The following DNAH14 variants were observed in gnomAD, a reference collection of about 807,000 sequenced individuals.
DNAH14 encodes dynein axonemal heavy chain 14, also known as axonemal beta dynein heavy chain 14.
DNAH14 carries 478 observed loss-of-function variants against 520.9 expected under a neutral mutation model. The observed-to-expected ratio is 0.92, with a 90% CI of 0.85 to 0.99. The LOEUF (loss-of-function observed/expected upper bound fraction) is 0.99, where lower values mean the gene tolerates loss of function less well. Ranked by LOEUF, DNAH14 falls within the 50% of genes least tolerant of loss-of-function variation. The probability of loss-of-function intolerance (pLI) is 0.00; values close to 1 mark genes in which losing one functional copy is unlikely to be tolerated. For synonymous variants in DNAH14, 1,581 were observed against 1,757.2 expected (o/e 0.90, Z 2.51); for missense variants, 4,831 against 5,234.5 (o/e 0.92, Z 2.38).
intron 36 of DNAH14, among the ~76,000 whole-genome samples, chr1:225,168,646 G>A (rs1042732922): frequency 3.9e-5 from 6 of 152,174 alleles, no homozygotes; most frequent in African/African-American, 1.2e-4. Context: ...TAAACAAAGC[G>A]GCCTGGAATC....
In DNAH14 at chr1:225,358,575, A is replaced by G. The variant is rs779898124; in HGVS notation, c.11699A>G (p.Gln3900Arg). ...GAAAAAATGGGAAATAAGTATCTTC[A>G]AAGAACTGGAGTTAATTTGAAAGAT... ...ITEKMGNKYL[Q>R]RTGVNLKDAY... Residue 3900 changes from glutamine (Q) to arginine (R), a missense_variant, in exon 74 of 86, where the codon CAA becomes CGA. Coordinates refer to ENST00000682510, the MANE Select transcript of DNAH14 (RefSeq NM_001367479.1). 1 of 1,549,948 alleles carries G rather than the reference A, an allele frequency of 6.5e-7. No individual in the cohort carries two copies. Among genetic ancestry groups the G allele is most frequent in the African/African-American group, 1.4e-5 (1 of 73,072 alleles).
At chr1:225,009,713 A>G (rs1312134219) in intron 10 of DNAH14, among the ~76,000 whole-genome samples, 1 of 152,142 alleles carries the variant, frequency 6.6e-6, no homozygotes, top group Non-Finnish European at 1.5e-5. Context: ...CCATTTTCAC[A>G]TTATTGATTC....
At chr1:225,347,859 G>T (rs77709968) in intron 71 of DNAH14, among the ~76,000 whole-genome samples, 20,830 of 152,082 alleles carry the variant, frequency 0.14, 1,653 homozygotes, top group South Asian at 0.25. Context: ...TGAAACTCCA[G>T]AAACGAGTCC....
chr1:225,311,990 A>G (rs1009745817), intron 60 of DNAH14, among the ~76,000 whole-genome samples: 1 of 152,128 alleles, frequency 6.6e-6, no homozygotes, highest in Admixed American at 6.6e-5. Flanking sequence ...AAAAAAGTCA[A>G]TGGTAACTTG....
intron 49 of DNAH14, among the ~76,000 whole-genome samples, chr1:225,269,259 GA>G (rs2093231630): frequency 6.6e-6 from 1 of 152,146 alleles, no homozygotes; most frequent in Non-Finnish European, 1.5e-5. Flanking sequence ...ATGGTGCTGG[GA>G]AAACTGGCTA....
At chr1:225,308,945 A>G (rs991799051) in intron 60 of DNAH14, among the ~76,000 whole-genome samples, 4 of 152,200 alleles carry the variant, frequency 2.6e-5, no homozygotes, top group African/African-American at 9.6e-5. Flanking sequence ...CTTGTCTTCC[A>G]TGTACAAAGG....
intron 36 of DNAH14, among the ~76,000 whole-genome samples, chr1:225,182,536 C>T (rs2149299332): frequency 6.6e-6 from 1 of 152,070 alleles, no homozygotes; most frequent in East Asian, 1.9e-4. Context: ...GATCAGAGTA[C>T]CTAATTTTAC....
rs569534354 is a variant in DNAH14, at chr1:225,381,478, A to G, written c.12976A>G (p.Lys4326Glu). 5.7e-5 allele frequency: 88 copies of G among 1,549,790 alleles called. No individual in the cohort carries two copies. Among genetic ancestry groups the G allele is most frequent in the Non-Finnish European group, 1.4e-5 (16 of 1,146,478 alleles). ...ATTATTTGTCATACATAAATCCTTA[A>G]AAGATCTTCAGCTTGCTATAAAAGG... ...KLLFVIHKSL[K>E]DLQLAIKGEI... Residue 4326 changes from lysine to glutamate, a missense_variant, in exon 81 of 86, where the codon AAA becomes GAA. Transcript: ENST00000682510.
chr1:225,055,826 G>T (rs2069010360), intron 17 of DNAH14, among the ~76,000 whole-genome samples: 1 of 151,864 alleles, frequency 6.6e-6, no homozygotes, highest in Non-Finnish European at 1.5e-5. Context: ...GAGAATGATG[G>T]TTTCCAGCTT....
intron 27 of DNAH14, among the ~76,000 whole-genome samples, chr1:225,128,974 G>A (rs1194503811): frequency 2.0e-5 from 3 of 151,930 alleles, no homozygotes; most frequent in Non-Finnish European, 4.4e-5. Context: ...CAAAGTCTCA[G>A]GATACAAAAT....
chr1:225,298,814 G>A (rs2094073076), intron 55 of DNAH14, among the ~76,000 whole-genome samples: 1 of 152,202 alleles, frequency 6.6e-6, no homozygotes, highest in Non-Finnish European at 1.5e-5. Context: ...GGCTAGAAAG[G>A]ACTCTGGGAT....
At chr1:224,962,116 T>G (rs2125566500) in intron 4 of DNAH14, among the ~76,000 whole-genome samples, 1 of 152,272 alleles carries the variant, frequency 6.6e-6, no homozygotes, top group South Asian at 2.1e-4. Flanking sequence ...TTTGTCATTT[T>G]GTTAAAAAAG....
intron 60 of DNAH14, among the ~76,000 whole-genome samples, chr1:225,317,455 A>G (rs1311704035): frequency 6.6e-6 from 1 of 151,920 alleles, no homozygotes; most frequent in African/African-American, 2.4e-5. Context: ...TATGTAAATA[A>G]AATTTTTAAA....
chr1:225,380,654 A>G (rs1575118122), intron 80 of DNAH14, among the ~76,000 whole-genome samples: 1 of 152,222 alleles, frequency 6.6e-6, no homozygotes. Context: ...CTTCTGGAAC[A>G]GCGGAAGTTT....
intron 54 of DNAH14, among the ~76,000 whole-genome samples, chr1:225,285,931 C>T (rs2093730484): frequency 6.6e-6 from 1 of 152,174 alleles, no homozygotes; most frequent in Admixed American, 6.5e-5. Context: ...ACCACATTTC[C>T]TCTATCTGTT....
At chr1:225,139,858 C>G (rs1401277567) in intron 27 of DNAH14, among the ~76,000 whole-genome samples, 1 of 152,166 alleles carries the variant, frequency 6.6e-6, no homozygotes, top group Admixed American at 6.5e-5. Context: ...TCTTGTCTTC[C>G]CAGACTCTTG....
At chr1:225,044,783 AG>A (rs1488484893) in intron 15 of DNAH14, among the ~76,000 whole-genome samples, 3 of 152,296 alleles carry the variant, frequency 2.0e-5, no homozygotes, top group African/African-American at 7.2e-5. Context: ...TTTTTTACCC[AG>A]TCCATTTTGA....
chr1:225,119,193 T>TG (rs2077105518), intron 25 of DNAH14, 27 bp from the exon 26 acceptor site: 2 of 1,442,098 alleles, frequency 1.4e-6, no homozygotes, highest in East Asian at 5.1e-5. Context: ...TAATTCTTCA[T>TG]GATATTATTT....
At chr1:225,028,382 C>G (rs1408003596) in intron 11 of DNAH14, among the ~76,000 whole-genome samples, 3 of 151,748 alleles carry the variant, frequency 2.0e-5, no homozygotes, top group Non-Finnish European at 4.4e-5. Context: ...AGGATTTTGT[C>G]CATTTTATCT....
Sources: allele counts gnomAD v4.1 joint callset (sites outside exome capture counted in the v4.1 genomes callset), GRCh38; gene constraint gnomAD v4.1.1; transcripts MANE v1.5; gene names NCBI Gene and HGNC (gene_info 2026-07-23, HGNC 2026-07-21).